The following BOD1L1 variants were observed in gnomAD, a reference collection of about 807,000 sequenced individuals.
BOD1L1 encodes biorientation of chromosomes in cell division protein 1-like 1.
A neutral mutation model predicts 240.7 loss-of-function variants in BOD1L1; 86 were observed. The observed-to-expected ratio is 0.36, with a 90% CI of 0.30 to 0.43. BOD1L1 has a LOEUF of 0.43. BOD1L1 is among the 20% of genes least tolerant of loss of function. BOD1L1 has a pLI of 1.00. For missense variants in BOD1L1, 3,554 were observed against 3,643.5 expected, an observed-to-expected ratio of 0.98 and a Z score of 0.63; for synonymous variants, 1,268 against 1,272.3, an observed-to-expected ratio of 1.00 and a Z score of 0.07.
chr4:13,573,667 G>A (rs976563195), intron 25 of BOD1L1, among the ~76,000 whole-genome samples: 1 of 152,006 alleles, frequency 6.6e-6, no homozygotes, highest in South Asian at 2.1e-4. Context: ...AGGATTACAG[G>A]AGTCTGCCAC....
rs746003050 is a variant in BOD1L1, at chr4:13,601,133, T to C, written c.5767A>G (p.Ile1923Val). The C allele has an allele frequency of 1.4e-5, 23 of 1,613,926 alleles. No homozygotes were observed. Among genetic ancestry groups the C allele is most frequent in the Non-Finnish European group, 1.7e-5 (20 of 1,179,912 alleles). ...ACATTATTTTCATTTGCATTCATGATGGCAGCTCCAGCCTCAGCTTCCACA... is the reference window on the plus strand; with the variant it reads ...ACATTATTTTCATTTGCATTCATGACGGCAGCTCCAGCCTCAGCTTCCACA... ...EHVEAEAGAA[I>V]MNANENNVDS... The change falls in exon 10 of 26, where the codon ATC (isoleucine) becomes GTC (valine). Residue 1923 changes from isoleucine to valine, a missense_variant. Around this residue, in one of 2 missense-constraint regions of BOD1L1, gnomAD observed 3,393 missense variants for 3,427.1 expected, o/e 0.99. Transcript: ENST00000040738.
chr4:13,627,664 G>A lies in BOD1L1; in HGVS notation c.-77C>T, dbSNP rs1474754114. 2.9e-5 allele frequency: 30 copies of A among 1,043,688 alleles called. No individual in the cohort carries two copies. The highest frequency in any genetic ancestry group is 1.7e-4 in the Admixed American group (3 of 17,702). 64.7% of individuals were successfully genotyped at this position (1,043,688 alleles called of 1,614,324 possible). ...AGGCGGCGGCTGCACTGGTCCCGCC[G>A]CCTGAGGGAAGCCAACGGGATGTTG... On this transcript the variant is annotated 5_prime_UTR_variant, in exon 1 of 26. Coordinates refer to ENST00000040738, the MANE Select transcript of BOD1L1 (RefSeq NM_148894.3).
rs1427163434 is a variant in BOD1L1 at position 13,608,668 on chromosome 4, C to T, written c.1604G>A (p.Gly535Asp). ...TTCTTCTAAGTCCACACTACTCCTGCCTAGAAAAGAAGCAATCAATAAAAC... is the reference window on the plus strand; with the variant it reads ...TTCTTCTAAGTCCACACTACTCCTGTCTAGAAAAGAAGCAATCAATAAAAC... ...KTKSSKTKGQGRSSVDLEESS... is the reference protein window; with the variant it reads ...KTKSSKTKGQDRSSVDLEESS... The change falls in exon 8 of 26, where the codon GGC becomes GAC. Residue 535 changes from glycine to aspartate, a missense_variant and splice_region_variant. By Grantham distance (94) the Gly-to-Asp change is moderately conservative. Transcript: ENST00000040738. 1 of 1,449,410 alleles carries T rather than the reference C, an allele frequency of 6.9e-7. No homozygotes were observed. The highest frequency in any genetic ancestry group is 9.1e-7 in the Non-Finnish European group (1 of 1,102,534). 89.8% of individuals were successfully genotyped at this position (1,449,410 alleles called of 1,614,324 possible). A position where few individuals can be genotyped will look rare whatever the true frequency, so the allele number is the denominator to read the frequency against.
At chr4:13,622,222 C>T (rs766408227) in intron 1 of BOD1L1, among the ~76,000 whole-genome samples, 2 of 152,082 alleles carry the variant, frequency 1.3e-5, no homozygotes, top group Non-Finnish European at 1.5e-5. Context: ...TTCTTCTTTC[C>T]GGTATTCCCA....
chr4:13,616,248 T>C (rs1428223060), intron 2 of BOD1L1, among the ~76,000 whole-genome samples: 8 of 152,112 alleles, frequency 5.3e-5, no homozygotes, highest in African/African-American at 1.4e-4. Flanking sequence ...ACATGTACTA[T>C]AGGAAAAGAG....
chr4:13,586,350 T>A, intron 17 of BOD1L1, 46 bp downstream of exon 17: 1 of 1,286,434 alleles, frequency 7.8e-7, no homozygotes, highest in Non-Finnish European at 1.1e-6. Flanking sequence ...TAATTAGGCC[T>A]CCCTACCCCC....
chr4:13,602,481 A>T lies in BOD1L1; in HGVS notation c.4419T>A (p.Val1473=). The change falls in exon 10 of 26, where the codon GTT becomes GTA. Residue 1473 remains valine (V), a synonymous_variant. Coordinates refer to ENST00000040738, the MANE Select transcript of BOD1L1 (RefSeq NM_148894.3). ...CCTCACTGTTTTCATTCCTTCTTTC[A>T]ACATCAATTGATATGTCTTTTACTT... ...PGKVKDISID[V]ERRNENSEVD... 6.2e-7 allele frequency: 1 copy of T among 1,613,948 alleles called. No homozygotes were observed. The highest frequency in any genetic ancestry group is 8.5e-7 in the Non-Finnish European group (1 of 1,179,874).
chr4:13,618,173 T>C (rs1180933722), intron 2 of BOD1L1, among the ~76,000 whole-genome samples: 3 of 152,214 alleles, frequency 2.0e-5, no homozygotes, highest in Non-Finnish European at 2.9e-5. Context: ...CCTTACCTTA[T>C]AGATTTTATA....
At chr4:13,582,607 GC>G in intron 18 of BOD1L1, 44 bp downstream of exon 18, 1 of 1,421,780 alleles carries the variant, frequency 7.0e-7, no homozygotes, top group Non-Finnish European at 9.9e-7. Flanking sequence ...CACGCTGGCT[GC>G]TTTGAAGGCT....
intron 9 of BOD1L1, among the ~76,000 whole-genome samples, chr4:13,606,072 A>G (rs189213882): frequency 3.3e-5 from 5 of 152,280 alleles, no homozygotes; most frequent in Admixed American, 3.3e-4. Flanking sequence ...TCAGTTTAAC[A>G]CTTCATCTCC....
At chr4:13,574,914 T>G (rs1010784621) in intron 25 of BOD1L1, among the ~76,000 whole-genome samples, 5 of 41,180 alleles carry the variant, frequency 1.2e-4, no homozygotes, top group African/African-American at 1.2e-4. Flanking sequence ...TAAGTTTTTG[T>G]TTTTTTTTGT....
Position 13,601,618 on chromosome 4 carries a change from A to C in BOD1L1, c.5282T>G (p.Val1761Gly), listed in dbSNP as rs1224057064. Reference sequence around the variant, plus strand: ...TGGTGGTGCATCATTATCTCCCAGGACAACACCTGCACCTGTAACCATGCG... The same window carrying C: ...TGGTGGTGCATCATTATCTCCCAGGCCAACACCTGCACCTGTAACCATGCG... ...EERMVTGAGV[V>G]LGDNDAPPGT... The change falls in exon 10 of 26, where the codon GTC (valine) becomes GGC (glycine). Residue 1761 changes from valine to glycine, a missense_variant. Around this residue, in one of 2 missense-constraint regions of BOD1L1, gnomAD observed 3,393 missense variants for 3,427.1 expected, o/e 0.99. Transcript: ENST00000040738. 2 of 1,613,798 alleles carry C rather than the reference A, an allele frequency of 1.2e-6. No individual in the cohort carries two copies. The highest frequency in any genetic ancestry group is 2.7e-5 in the African/African-American group (2 of 74,884).
intron 25 of BOD1L1, among the ~76,000 whole-genome samples, chr4:13,574,301 T>TGA (rs1712510552): frequency 6.6e-6 from 1 of 152,074 alleles, no homozygotes; most frequent in South Asian, 2.1e-4. Flanking sequence ...ACATGACCAC[T>TGA]GAGAGCCCAC....
chr4:13,570,335 A>G (rs1481239905), intron 25 of BOD1L1, among the ~76,000 whole-genome samples: 2 of 152,230 alleles, frequency 1.3e-5, no homozygotes, highest in Non-Finnish European at 2.9e-5. Flanking sequence ...AACACAGGAC[A>G]CTGGAAGAGA....
Position 13,600,137 on chromosome 4 carries a change from T to C in BOD1L1, c.6763A>G (p.Ile2255Val). The C allele has an allele frequency of 6.8e-6, 11 of 1,613,996 alleles. No individual in the cohort carries two copies. The highest frequency in any genetic ancestry group is 9.3e-6 in the Non-Finnish European group (11 of 1,179,890). ...TCTTCCACCGAGCTCGTAGAGATGA[T>C]GCCACTCCCGTCTTTTTCTTCCATG... ...TVMEEKDGSG[I>V]ISTSSVEDCE... The change falls in exon 10 of 26, where the codon ATC becomes GTC. Residue 2255 changes from isoleucine (I) to valine (V), a missense_variant. This residue lies in a region of BOD1L1 where 3,393 missense variants were observed against 3,427.1 expected (regional missense o/e 0.99). Coordinates refer to ENST00000040738, the MANE Select transcript of BOD1L1 (RefSeq NM_148894.3).
chr4:13,569,971 A>G lies in BOD1L1; in HGVS notation c.*40T>C. The G allele has an allele frequency of 7.0e-7, 1 of 1,430,344 alleles. No individual in the cohort carries two copies. Among genetic ancestry groups the G allele is most frequent in the Non-Finnish European group, 9.3e-7 (1 of 1,071,564 alleles). The allele number at this position is 1,430,344 out of a possible 1,614,324, so 88.6% of individuals were successfully genotyped here. A position where few individuals can be genotyped will look rare whatever the true frequency, so the allele number is the denominator to read the frequency against. On this transcript the variant is annotated 3_prime_UTR_variant, in exon 26 of 26. Coordinates refer to ENST00000040738, the MANE Select transcript of BOD1L1 (RefSeq NM_148894.3). ...ACCAAGGCATGTCTCTTTCCTCTCC[A>G]CCGTGTTCCTCCATAAGCCTAGGGC... is the stretch of plus-strand genomic sequence containing the variant.
At position 13,581,035 on chromosome 4, in the gene BOD1L1, A is replaced by C; in HGVS notation, c.8688T>G (p.Asp2896Glu). Reference protein sequence around the residue: ...TLKMKDDSKTDTGIVTVEQSP... With the variant: ...TLKMKDDSKTETGIVTVEQSP... Reference sequence around the variant, plus strand: ...AATTACTTACAGTGACAATGCCAGTATCTGTTTTGGAGTCGTCTTCTAAAA... The same window carrying C: ...AATTACTTACAGTGACAATGCCAGTCTCTGTTTTGGAGTCGTCTTCTAAAA... Residue 2896 changes from aspartate (D) to glutamate (E), a missense_variant, in exon 21 of 26, where the codon GAT becomes GAG. By Grantham distance (45) the Asp-to-Glu change is conservative. Transcript: ENST00000040738. 6.4e-7 allele frequency: 1 copy of C among 1,574,238 alleles called. No homozygotes were observed. The highest frequency in any genetic ancestry group is 8.6e-7 in the Non-Finnish European group (1 of 1,159,098).
At position 13,587,690 on chromosome 4, in the gene BOD1L1, T is replaced by TATAA; in HGVS notation, c.8353+5_8353+8dup. 6.5e-7 allele frequency: 1 copy of TATAA among 1,532,024 alleles called. No individual in the cohort carries two copies. The highest frequency in any genetic ancestry group is 8.9e-7 in the Non-Finnish European group (1 of 1,128,558). The allele number at this position is 1,532,024 out of a possible 1,614,324, so 94.9% of individuals were successfully genotyped here. Reference sequence around the variant, plus strand: ...AAGATGTCTAAAACAGAAACATAAATATAAATACCTGGTTCATCTTCTGAA... The same window carrying TATAA: ...AAGATGTCTAAAACAGAAACATAAATATAAATAAATACCTGGTTCATCTTCTGAA... On this transcript the variant is annotated intron_variant, in intron 16 of 25. Transcript: ENST00000040738.
At chr4:13,583,827 AAAACAAGGT>A (rs1489288252) in intron 17 of BOD1L1, among the ~76,000 whole-genome samples, 4 of 152,240 alleles carry the variant, frequency 2.6e-5, no homozygotes, top group Admixed American at 2.6e-4. Flanking sequence ...CAATTCAATT[AAAACAAGGT>A]AAACAAACTC....
Sources: allele counts gnomAD v4.1 joint callset (sites outside exome capture counted in the v4.1 genomes callset), GRCh38; gene constraint gnomAD v4.1.1; regional missense constraint gnomAD v4.1.1; transcripts MANE v1.5; gene names NCBI Gene and HGNC (gene_info 2026-07-23, HGNC 2026-07-21).